Variants in CTDSPL2 observed in about 807,000 individuals in gnomAD.
CTDSPL2 encodes the protein CTD small phosphatase like 2, also known as CTD small phosphatase-like protein 2.
A neutral mutation model predicts 60.0 loss-of-function variants in CTDSPL2; 5 were observed. The ratio of observed to expected loss-of-function variants is 0.08; its 90% CI spans 0.04 to 0.18. The LOEUF is 0.18. Ranked by LOEUF, CTDSPL2 falls within the 10% of genes least tolerant of loss-of-function variation. The pLI is 1.00. For missense variants in CTDSPL2, 370 were observed against 548.8 expected (o/e 0.67, Z 3.26); for synonymous variants, 186 against 189.3 (o/e 0.98, Z 0.14).
chr15:44,495,655 C>T (rs1389026690), intron 5 of CTDSPL2, among the ~76,000 whole-genome samples: 1 of 152,012 alleles, frequency 6.6e-6, no homozygotes, highest in Non-Finnish European at 1.5e-5. Flanking sequence ...GTTCATGGTC[C>T]GGGCGCAGTG....
At chr15:44,433,352 A>AAT (rs2079901872) in intron 1 of CTDSPL2, among the ~76,000 whole-genome samples, 1 of 148,276 alleles carries the variant, frequency 6.7e-6, no homozygotes. Flanking sequence ...AAAAAAAAGG[A>AAT]CAAAAAACAG....
At chr15:44,452,586 T>C (rs907333400) in intron 1 of CTDSPL2, among the ~76,000 whole-genome samples, 11 of 152,182 alleles carry the variant, frequency 7.2e-5, no homozygotes, top group Admixed American at 1.3e-4. Flanking sequence ...TCAAAGAGTT[T>C]GGTGTATATT....
At chr15:44,517,696 C>T (rs1272122983) in intron 10 of CTDSPL2, among the ~76,000 whole-genome samples, 4 of 152,162 alleles carry the variant, frequency 2.6e-5, no homozygotes, top group African/African-American at 9.7e-5. Context: ...GTAGTATCCA[C>T]GTACAGATTC....
At chr15:44,458,469 C>T (rs998085656) in intron 1 of CTDSPL2, among the ~76,000 whole-genome samples, 2 of 152,164 alleles carry the variant, frequency 1.3e-5, no homozygotes, top group Admixed American at 6.5e-5. Flanking sequence ...TCTGTTGTTA[C>T]ACTTATATGG....
At position 44,509,638 on chromosome 15, in the gene CTDSPL2, T is replaced by C. The variant is rs546945645; in HGVS notation, c.970-4960T>C. Among the ~76,000 whole-genome samples, 42 of 151,920 alleles carry C rather than the reference T, an allele frequency of 2.8e-4. No homozygotes were observed. The East Asian group carries it at 8.0e-3, about 29-fold the overall frequency. ...TTATTCATATCAAGTAGTAGTAGTG[T>C]AGTGGGTTTTTTGAAATTATATATA... On this transcript the variant is annotated intron_variant, in intron 8 of 12. Coordinates refer to ENST00000260327, the MANE Select transcript of CTDSPL2 (RefSeq NM_016396.3).
At chr15:44,427,808 A>G (rs2079775577) in intron 1 of CTDSPL2, 36 bp downstream of exon 1, 1 of 398,198 alleles carries the variant, frequency 2.5e-6, no homozygotes. Context: ...CGCTGCTTCC[A>G]ATCTCAGTCC....
intron 12 of CTDSPL2, among the ~76,000 whole-genome samples, chr15:44,522,608 C>T (rs560387347): frequency 7.2e-5 from 11 of 152,072 alleles, no homozygotes; most frequent in Admixed American, 6.5e-5. Flanking sequence ...TAAAAATGAG[C>T]TGGGCGTAGT....
At chr15:44,446,632 ACAAT>A (rs1404027118) in intron 1 of CTDSPL2, among the ~76,000 whole-genome samples, 3 of 151,802 alleles carry the variant, frequency 2.0e-5, no homozygotes, top group Non-Finnish European at 2.9e-5. Flanking sequence ...TCTATCTCAA[ACAAT>A]CAAACAAACA....
At chr15:44,446,778 C>T (rs537911397) in intron 1 of CTDSPL2, among the ~76,000 whole-genome samples, 4 of 109,322 alleles carry the variant, frequency 3.7e-5, no homozygotes, top group Admixed American at 2.2e-4. Context: ...TTTTTTGAGA[C>T]GGAGTCTCAG....
At chr15:44,427,874 C>T (rs990919678) in intron 1 of CTDSPL2, 102 bp downstream of exon 1, 1 of 392,554 alleles carries the variant, frequency 2.5e-6, no homozygotes, top group African/African-American at 2.1e-5. Context: ...ACCTGGTCCT[C>T]CAGCGGCTCT....
intron 4 of CTDSPL2, among the ~76,000 whole-genome samples, chr15:44,489,423 G>C (rs1055123244): frequency 1.3e-5 from 2 of 152,084 alleles, no homozygotes; most frequent in African/African-American, 2.4e-5. Context: ...TTTGAGGGAC[G>C]TGTTTGGAAT....
intron 2 of CTDSPL2, among the ~76,000 whole-genome samples, chr15:44,469,117 G>A (rs1344537978): frequency 6.6e-6 from 1 of 152,042 alleles, no homozygotes; most frequent in Non-Finnish European, 1.5e-5. Context: ...TATAATTCAA[G>A]GTTTATCATA....
chr15:44,484,740 AAAAAC>A (rs1297144319), intron 3 of CTDSPL2, among the ~76,000 whole-genome samples: 3 of 152,214 alleles, frequency 2.0e-5, no homozygotes, highest in Admixed American at 6.5e-5. Context: ...ACTCTGTCTC[AAAAAC>A]AAAACAAAAC....
chr15:44,501,916 C>T, intron 8 of CTDSPL2: 1 of 435,192 alleles, frequency 2.3e-6, no homozygotes, highest in South Asian at 1.7e-5. Flanking sequence ...GTTTTCAGAC[C>T]AGCAAGCTCC....
chr15:44,488,779 A>G (rs1035628408), intron 4 of CTDSPL2, among the ~76,000 whole-genome samples: 1 of 152,166 alleles, frequency 6.6e-6, no homozygotes, highest in Admixed American at 6.5e-5. Context: ...AGATCGCACC[A>G]TTGCACTCCA....
intron 1 of CTDSPL2, among the ~76,000 whole-genome samples, chr15:44,441,998 A>C (rs2080097958): frequency 6.6e-6 from 1 of 152,092 alleles, no homozygotes; most frequent in Admixed American, 6.6e-5. Flanking sequence ...GAGACTCCCC[A>C]ATTAGCGCTG....
chr15:44,526,522 A>T lies in CTDSPL2; in HGVS notation c.*2348A>T, dbSNP rs760303248. On this transcript the variant is annotated 3_prime_UTR_variant, in exon 13 of 13. Transcript: ENST00000260327. ...CATAAGATACTTCCGTAAAGAAATA[A>T]ACTAAGAAAATTTTTTATGGCTTGA... 4 of 152,174 alleles carry T rather than the reference A, an allele frequency of 2.6e-5. No homozygotes were observed. Among genetic ancestry groups the T allele is most frequent in the African/African-American group, 7.2e-5 (3 of 41,454 alleles). 9.4% of individuals were successfully genotyped at this position (152,174 alleles called of 1,614,324 possible). A position where few individuals can be genotyped will look rare whatever the true frequency, so the allele number is the denominator to read the frequency against.
chr15:44,519,022 G>A (rs893576068), intron 10 of CTDSPL2, 147 bp from the exon 11 acceptor site: 5 of 448,666 alleles, frequency 1.1e-5, no homozygotes, highest in African/African-American at 6.1e-5. Context: ...GCAGCCCAAC[G>A]CTTAGACCCA....
At chr15:44,490,228 T>A (rs759761747) in intron 4 of CTDSPL2, among the ~76,000 whole-genome samples, 1 of 152,118 alleles carries the variant, frequency 6.6e-6, no homozygotes, top group Non-Finnish European at 1.5e-5. Flanking sequence ...TTGACCTCCT[T>A]CTGGGCCCAA....
Sources: allele counts gnomAD v4.1 joint callset (sites outside exome capture counted in the v4.1 genomes callset), GRCh38; gene constraint gnomAD v4.1.1; transcripts MANE v1.5; gene names NCBI Gene and HGNC (gene_info 2026-07-23, HGNC 2026-07-21).